Variants in EIF2S2 observed in about 807,000 individuals in gnomAD.
EIF2S2 encodes eukaryotic translation initiation factor 2 subunit 2.
In EIF2S2, 4 loss-of-function variants were observed where a neutral mutation model predicts 44.0. The observed-to-expected ratio is 0.09, with a 90% CI of 0.04 to 0.21. The LOEUF (loss-of-function observed/expected upper bound fraction) is 0.21, where lower values mean the gene tolerates loss of function less well. EIF2S2 is among the 10% of genes least tolerant of loss of function. The probability of loss-of-function intolerance (pLI) is 1.00; values close to 1 mark genes in which losing one functional copy is unlikely to be tolerated. For synonymous variants in EIF2S2, 108 were observed against 128.3 expected (o/e 0.84, Z 1.07); for missense variants, 154 against 392.0 (o/e 0.39, Z 5.13).
Position 34,096,770 on chromosome 20 carries a change from C to A in EIF2S2, c.570G>T (p.Lys190Asn). 1 of 1,611,460 alleles carries A rather than the reference C, an allele frequency of 6.2e-7. No individual in the cohort carries two copies. The highest frequency in any genetic ancestry group is 8.5e-7 in the Non-Finnish European group (1 of 1,179,448). The change falls in exon 6 of 9, where the codon AAG becomes AAT. Residue 190 changes from lysine to asparagine, a missense_variant. Physicochemically the swap from Lys to Asn is moderately conservative, Grantham distance 94. This residue lies in a region of EIF2S2 where 134 missense variants were observed against 225.0 expected (regional missense o/e 0.60). Transcript: ENST00000374980. The stretch of plus-strand genomic sequence containing the variant: ...TCTCCCCAGCAACCATATCTGGATT[C>A]TTTTCCCTCATGATGTTGAACACTC... ...LNRVFNIMRE[K>N]NPDMVAGEKR...
chr20:34,098,151 C>T (rs1054889129), intron 4 of EIF2S2, among the ~76,000 whole-genome samples: 4 of 151,264 alleles, frequency 2.6e-5, no homozygotes, highest in East Asian at 1.9e-4. Context: ...GAGGCTGAGG[C>T]GGGAGAATCG....
intron 2 of EIF2S2, 89 bp downstream of exon 2, chr20:34,105,279 C>T (rs1272745719): frequency 4.9e-6 from 7 of 1,417,852 alleles, no homozygotes; most frequent in Non-Finnish European, 6.7e-6. Context: ...CCTTGTCAGG[C>T]TGAGAGGTCG....
intron 7 of EIF2S2, among the ~76,000 whole-genome samples, chr20:34,092,964 C>T (rs375125977): frequency 3.3e-5 from 5 of 152,100 alleles, no homozygotes; most frequent in Admixed American, 6.5e-5. Context: ...TGTTTCCGAA[C>T]GTGAAGATAG....
rs930812340 is a variant in EIF2S2 at position 34,090,463 on chromosome 20, G to A, written c.826+54C>T. 6.1e-6 allele frequency: 7 copies of A among 1,145,068 alleles called. No homozygotes were observed. In the East Asian group the frequency reaches 1.4e-4, roughly 23 times the overall value. 70.9% of individuals were successfully genotyped at this position (1,145,068 alleles called of 1,614,324 possible). ...ATCAAATGGCTCTTCCTCTAACACT[G>A]CAGCCTCATGAGAACATTTCAGGGT... On this transcript the variant is annotated intron_variant, in intron 8 of 8. Transcript: ENST00000374980.
At chr20:34,108,752 A>C in intron 1 of EIF2S2, among the ~76,000 whole-genome samples, 1 of 152,218 alleles carries the variant, frequency 6.6e-6, no homozygotes, top group South Asian at 2.1e-4. Context: ...TCATCAAATT[A>C]GAAGCTTCCT....
chr20:34,100,324 C>T (rs551011007), intron 3 of EIF2S2, among the ~76,000 whole-genome samples: 40 of 152,212 alleles, frequency 2.6e-4, no homozygotes, highest in African/African-American at 9.6e-4. Flanking sequence ...CAACTGATTA[C>T]ATTATTAACC....
At chr20:34,102,173 A>G (rs2034302872) in intron 3 of EIF2S2, among the ~76,000 whole-genome samples, 1 of 152,186 alleles carries the variant, frequency 6.6e-6, no homozygotes, top group Non-Finnish European at 1.5e-5. Flanking sequence ...TCTTCCAATA[A>G]AAGCTACTGG....
intron 3 of EIF2S2, among the ~76,000 whole-genome samples, chr20:34,103,087 A>G (rs1047323785): frequency 6.6e-6 from 1 of 152,196 alleles, no homozygotes; most frequent in African/African-American, 2.4e-5. Context: ...AGAGGTACAC[A>G]TATCAATTTG....
chr20:34,112,150 G>T lies in EIF2S2; in HGVS notation c.-40C>A. On this transcript the variant is annotated 5_prime_UTR_variant, in exon 1 of 9. In the 5' UTR this introduces an upstream ATG that the reference lacks. Coordinates refer to ENST00000374980, the MANE Select transcript of EIF2S2 (RefSeq NM_003908.5). ...TGGGCTCGGCACGGACGGGAAGTCA[G>T]ACGGGTCAGCCCCAGGCCCCGGCGG... is the stretch of plus-strand genomic sequence containing the variant. 1 of 1,534,486 alleles carries T rather than the reference G, an allele frequency of 6.5e-7. No individual in the cohort carries two copies. Among genetic ancestry groups the T allele is most frequent in the Non-Finnish European group, 8.8e-7 (1 of 1,136,788 alleles).
intron 1 of EIF2S2, among the ~76,000 whole-genome samples, chr20:34,109,670 A>T (rs2122442843): frequency 6.6e-6 from 1 of 152,246 alleles, no homozygotes; most frequent in East Asian, 1.9e-4. Flanking sequence ...CTAAAAAAAC[A>T]AAACAACAAA....
intron 4 of EIF2S2, among the ~76,000 whole-genome samples, chr20:34,098,027 C>T (rs1390114234): frequency 6.6e-6 from 1 of 152,100 alleles, no homozygotes; most frequent in Non-Finnish European, 1.5e-5. Flanking sequence ...GGACGGATCA[C>T]CTGAGGTTGG....
Position 34,088,473 on chromosome 20 carries a change from T to TA in EIF2S2, c.*1256dup, listed in dbSNP as rs2034122149. The stretch of plus-strand genomic sequence containing the variant: ...GCCAGTGTGTGGGTTGAGGGCCCTC[T>TA]ACTGCTTTACCCATCACCCTCCACT... On this transcript the variant is annotated 3_prime_UTR_variant, in exon 9 of 9. Transcript: ENST00000374980. 1 of 152,684 alleles carries TA rather than the reference T, an allele frequency of 6.5e-6. No individual in the cohort carries two copies. The highest frequency in any genetic ancestry group is 2.4e-5 in the African/African-American group (1 of 41,466). The allele number at this position is 152,684 out of a possible 1,614,324, so 9.5% of individuals were successfully genotyped here. A position where few individuals can be genotyped will look rare whatever the true frequency, so the allele number is the denominator to read the frequency against.
At chr20:34,107,638 G>A (rs539599592) in intron 1 of EIF2S2, among the ~76,000 whole-genome samples, 3 of 152,224 alleles carry the variant, frequency 2.0e-5, no homozygotes, top group South Asian at 4.1e-4. Context: ...ATCAATTCAG[G>A]TGCTCTAATT....
intron 3 of EIF2S2, among the ~76,000 whole-genome samples, chr20:34,099,428 G>A (rs1309788891): frequency 1.3e-5 from 2 of 152,146 alleles, no homozygotes; most frequent in East Asian, 3.8e-4. Context: ...TCTTCAGCAG[G>A]AACAGGGTTC....
At chr20:34,102,748 T>C (rs1239428278) in intron 3 of EIF2S2, among the ~76,000 whole-genome samples, 4 of 152,172 alleles carry the variant, frequency 2.6e-5, no homozygotes, top group Non-Finnish European at 5.9e-5. Flanking sequence ...GTTTTATAAA[T>C]AGACATGTGG....
At chr20:34,098,462 T>C (rs2034257641) in intron 4 of EIF2S2, 36 bp downstream of exon 4, 1 of 1,607,846 alleles carries the variant, frequency 6.2e-7, no homozygotes, top group Non-Finnish European at 8.5e-7. Context: ...AAGGCTTGAG[T>C]AACCTCTAAA....
At chr20:34,103,665 G>C in intron 2 of EIF2S2, 100 bp from the exon 3 acceptor site, 1 of 1,347,300 alleles carries the variant, frequency 7.4e-7, no homozygotes, top group Non-Finnish European at 9.6e-7. Flanking sequence ...CACCAGAAAA[G>C]ACTGACTATT....
chr20:34,110,234 T>A (rs2034397663), intron 1 of EIF2S2, among the ~76,000 whole-genome samples: 1 of 152,220 alleles, frequency 6.6e-6, no homozygotes, highest in Non-Finnish European at 1.5e-5. Context: ...TATAAATCAT[T>A]TTCAAGTACA....
At chr20:34,095,623 C>G (rs1025149399) in intron 6 of EIF2S2, among the ~76,000 whole-genome samples, 2 of 152,182 alleles carry the variant, frequency 1.3e-5, no homozygotes, top group African/African-American at 4.8e-5. Context: ...TTATCTACCT[C>G]TTAATGGTGG....
Sources: allele counts gnomAD v4.1 joint callset (sites outside exome capture counted in the v4.1 genomes callset), GRCh38; gene constraint gnomAD v4.1.1; regional missense constraint gnomAD v4.1.1; transcripts MANE v1.5; gene names NCBI Gene and HGNC (gene_info 2026-07-23, HGNC 2026-07-21).